E2F8: variants seen among roughly 807,000 people sequenced by gnomAD.
E2F8 encodes E2F transcription factor 8.
In E2F8, 35 loss-of-function variants were observed where a neutral mutation model predicts 80.8. That is an observed-to-expected ratio of 0.43 (90% CI 0.33 to 0.57). E2F8 has a LOEUF of 0.57. Among genes scored for constraint, E2F8 ranks in the 20% least tolerant of loss-of-function variants. E2F8 has a pLI of 0.04. For synonymous variants in E2F8, 386 were observed against 395.0 expected (o/e 0.98, Z 0.27); for missense variants, 975 against 1,056.2 (o/e 0.92, Z 1.07).
rs749900721 is a variant in E2F8, at chr11:19,229,420, C to A, written c.1893+34G>T. On this transcript the variant is annotated intron_variant, in intron 10 of 12. Transcript: ENST00000250024. This position sits in a 1 kb window ranked among gnomAD's most constrained non-coding sequence, Gnocchi z 4.3. Reference sequence around the variant, plus strand: ...TCTTCCTGTAATAGACTAGGGAATTCCTAAAGCTTTGTGCAGTTCAAGGCT... The same window carrying A: ...TCTTCCTGTAATAGACTAGGGAATTACTAAAGCTTTGTGCAGTTCAAGGCT... 8.9e-6 allele frequency: 14 copies of A among 1,566,100 alleles called. No homozygotes were observed. The highest frequency in any genetic ancestry group is 1.2e-5 in the Non-Finnish European group (14 of 1,159,382).
rs1230619360 is a variant in E2F8, at chr11:19,224,392, A to C, written c.*266T>G. Reference sequence around the variant, plus strand: ...AAAATAATGGATTTTTCCCCCTAGAAGTTAATATATCTTAGAGTTCAACAT... The same window carrying C: ...AAAATAATGGATTTTTCCCCCTAGACGTTAATATATCTTAGAGTTCAACAT... On this transcript the variant is annotated 3_prime_UTR_variant, in exon 13 of 13. Transcript: ENST00000250024. 1 of 299,094 alleles carries C rather than the reference A, an allele frequency of 3.3e-6. No individual in the cohort carries two copies. Among genetic ancestry groups the C allele is most frequent in the African/African-American group, 2.2e-5 (1 of 46,316 alleles). 18.5% of individuals were successfully genotyped at this position (299,094 alleles called of 1,614,324 possible).
intron 7 of E2F8, 65 bp from the exon 8 acceptor site, chr11:19,230,899 A>G (rs1170254024): frequency 2.0e-6 from 3 of 1,491,100 alleles, no homozygotes; most frequent in Non-Finnish European, 2.8e-6. Flanking sequence ...GATATGAAAT[A>G]AAACAATTTT....
rs1161335528 is a variant in E2F8 at position 19,229,679 on chromosome 11, T to C, written c.1668A>G (p.Lys556=). The part of the protein sequence containing the change: ...TTHSSKATGS[K]DSTDATTEKA... Reference sequence around the variant, plus strand: ...TCTCAGTGGTGGCATCTGTGGAGTCTTTTGAGCCAGTAGCTTTAGAAGAGT... The same window carrying C: ...TCTCAGTGGTGGCATCTGTGGAGTCCTTTGAGCCAGTAGCTTTAGAAGAGT... Residue 556 remains lysine (K), a synonymous_variant, in exon 10 of 13, where the codon AAA becomes AAG. Transcript: ENST00000250024. The surrounding 1 kb of genome is among the most constrained non-coding windows in gnomAD (Gnocchi z 4.3). 9 of 1,614,186 alleles carry C rather than the reference T, an allele frequency of 5.6e-6. No individual in the cohort carries two copies. The highest frequency in any genetic ancestry group is 7.6e-6 in the Non-Finnish European group (9 of 1,180,044).
chr11:19,226,000 G>T, intron 10 of E2F8, 136 bp from the exon 11 acceptor site: 1 of 1,002,896 alleles, frequency 1.0e-6, no homozygotes, highest in Non-Finnish European at 1.5e-6. Flanking sequence ...GCTGCAGGCA[G>T]GCTGGTCACC....
chr11:19,227,383 A>G (rs933870489), intron 10 of E2F8, among the ~76,000 whole-genome samples: 1 of 152,170 alleles, frequency 6.6e-6, no homozygotes, highest in Non-Finnish European at 1.5e-5. Flanking sequence ...CTTTAGTTAT[A>G]TTCTCTCATG....
chr11:19,230,931 C>T (rs1851363748), intron 7 of E2F8, 97 bp from the exon 8 acceptor site: 1 of 1,098,534 alleles, frequency 9.1e-7, no homozygotes, highest in East Asian at 2.6e-5. Context: ...TGGCAAGTTA[C>T]AGAGCACCGA....
At chr11:19,225,905 C>G (rs754056348) in intron 10 of E2F8, 41 bp from the exon 11 acceptor site, 15 of 1,590,310 alleles carry the variant, frequency 9.4e-6, no homozygotes, top group Admixed American at 1.8e-5. Flanking sequence ...CACACAAATA[C>G]AGGAAGAAAA....
rs999868998 is a variant in E2F8, at chr11:19,225,557, T to C, written c.2085A>G (p.Val695=). 1 of 1,614,070 alleles carries C rather than the reference T, an allele frequency of 6.2e-7. No individual in the cohort carries two copies. The highest frequency in any genetic ancestry group is 1.3e-5 in the African/African-American group (1 of 74,916). Residue 695 remains valine, a synonymous_variant, in exon 12 of 13, where the codon GTA becomes GTG. Coordinates refer to ENST00000250024, the MANE Select transcript of E2F8 (RefSeq NM_024680.4). ...LTAVNFPSFH[V]TPLKLMVSPT... Reference sequence around the variant, plus strand: ...GTGAGACCATTAGCTTCAACGGTGTTACATGAAAAGAGGGAAAATTAACAG... The same window carrying C: ...GTGAGACCATTAGCTTCAACGGTGTCACATGAAAAGAGGGAAAATTAACAG...
chr11:19,235,551 A>G (rs1246500186), intron 4 of E2F8, among the ~76,000 whole-genome samples: 3 of 152,152 alleles, frequency 2.0e-5, no homozygotes, highest in Admixed American at 6.5e-5. Flanking sequence ...CAGGAGGCTG[A>G]GGCAGGAGAA....
Position 19,225,726 on chromosome 11 carries a change from A to G in E2F8, c.2026+6T>C. On this transcript the variant is annotated splice_donor_region_variant and intron_variant, in intron 11 of 12. Coordinates refer to ENST00000250024, the MANE Select transcript of E2F8 (RefSeq NM_024680.4). Reference sequence around the variant, plus strand: ...CACATCTGGTTAGTGTTTTATGTGCACTCACCTGCAATTGGGGAGCTGTAA... The same window carrying G: ...CACATCTGGTTAGTGTTTTATGTGCGCTCACCTGCAATTGGGGAGCTGTAA... 6.2e-7 allele frequency: 1 copy of G among 1,614,170 alleles called. No homozygotes were observed. Among genetic ancestry groups the G allele is most frequent in the Non-Finnish European group, 8.5e-7 (1 of 1,180,022 alleles).
chr11:19,226,988 A>G (rs960948497), intron 10 of E2F8, among the ~76,000 whole-genome samples: 3 of 152,234 alleles, frequency 2.0e-5, no homozygotes, highest in Admixed American at 2.0e-4. Context: ...CAACATGCCT[A>G]TTAGATCACT....
chr11:19,237,301 T>C lies in E2F8; in HGVS notation c.451+13A>G. ...AATTATTAATTCTTTCAGTGAGTTCTTTGCATACTTACTAAGTTCCTCTGC... is the reference window on the plus strand; with the variant it reads ...AATTATTAATTCTTTCAGTGAGTTCCTTGCATACTTACTAAGTTCCTCTGC... On this transcript the variant is annotated intron_variant, in intron 4 of 12. Coordinates refer to ENST00000250024, the MANE Select transcript of E2F8 (RefSeq NM_024680.4). 1 of 1,613,720 alleles carries C rather than the reference T, an allele frequency of 6.2e-7. No individual in the cohort carries two copies. The highest frequency in any genetic ancestry group is 8.5e-7 in the Non-Finnish European group (1 of 1,179,726).
Position 19,224,350 on chromosome 11 carries a change from A to G in E2F8, c.*308T>C, listed in dbSNP as rs1851170556. ...AACTTTAATACAGTTACTTTGCATA[A>G]TAGTATAGGCATAGCTAAAATAATG... On this transcript the variant is annotated 3_prime_UTR_variant, in exon 13 of 13. Coordinates refer to ENST00000250024, the MANE Select transcript of E2F8 (RefSeq NM_024680.4). 1 of 216,578 alleles carries G rather than the reference A, an allele frequency of 4.6e-6. No individual in the cohort carries two copies. Among genetic ancestry groups the G allele is most frequent in the Non-Finnish European group, 9.2e-6 (1 of 108,698 alleles). 13.4% of individuals were successfully genotyped at this position (216,578 alleles called of 1,614,324 possible). A position where few individuals can be genotyped will look rare whatever the true frequency, so the allele number is the denominator to read the frequency against.
chr11:19,241,434 G>A (rs931200697), upstream of E2F8: 4 of 152,378 alleles, frequency 2.6e-5, no homozygotes, highest in Non-Finnish European at 5.9e-5. This position sits in a 1 kb window ranked among gnomAD's most constrained non-coding sequence, Gnocchi z 4.5. Context: ...GGCGGGAGCC[G>A]GCGGGGGCTG....
intron 10 of E2F8, among the ~76,000 whole-genome samples, chr11:19,227,844 T>A (rs1194832903): frequency 6.6e-6 from 1 of 152,160 alleles, no homozygotes; most frequent in Non-Finnish European, 1.5e-5. Context: ...TCTCAGCACT[T>A]TGGGAAGCCA....
In E2F8 at chr11:19,224,493, G is replaced by C. The variant is rs113006499; in HGVS notation, c.*165C>G. On this transcript the variant is annotated 3_prime_UTR_variant, in exon 13 of 13. Coordinates refer to ENST00000250024, the MANE Select transcript of E2F8 (RefSeq NM_024680.4). Reference sequence around the variant, plus strand: ...TATGTGTGTGTGTGTGTGTGTGTGTGTGTGTATATATATATATGTATGAAA... The same window carrying C: ...TATGTGTGTGTGTGTGTGTGTGTGTCTGTGTATATATATATATGTATGAAA... The C allele has an allele frequency of 4.6e-5, 23 of 504,664 alleles. No individual in the cohort carries two copies. The highest frequency in any genetic ancestry group is 3.8e-4 in the African/African-American group (18 of 47,882). The allele number at this position is 504,664 out of a possible 1,614,324, so 31.3% of individuals were successfully genotyped here. A position where few individuals can be genotyped will look rare whatever the true frequency, so the allele number is the denominator to read the frequency against.
chr11:19,230,292 T>A lies in E2F8; in HGVS notation c.1307A>T (p.Lys436Ile), dbSNP rs749300910. ...SSQNSAPFPSKMAQLAAICKM... is the reference protein window; with the variant it reads ...SSQNSAPFPSIMAQLAAICKM... ...ACAAATAGCTGCGAGCTGAGCCATT[T>A]TACTTGGGAAGGGTGCAGAATTCTG... The change falls in exon 9 of 13, where the codon AAA becomes ATA. Residue 436 changes from lysine to isoleucine, a missense_variant. Transcript: ENST00000250024. The A allele has an allele frequency of 6.2e-7, 1 of 1,614,104 alleles. No individual in the cohort carries two copies. Among genetic ancestry groups the A allele is most frequent in the Non-Finnish European group, 8.5e-7 (1 of 1,180,006 alleles).
rs1279122026 is a variant in E2F8, at chr11:19,225,606, G to T, written c.2036C>A (p.Pro679Gln). The T allele has an allele frequency of 6.2e-7, 1 of 1,613,184 alleles. No individual in the cohort carries two copies. Among genetic ancestry groups the T allele is most frequent in the East Asian group, 2.2e-5 (1 of 44,876 alleles). The change falls in exon 12 of 13, where the codon CCA becomes CAA. Residue 679 changes from proline to glutamine, a missense_variant. Physicochemically the swap from Pro to Gln is moderately conservative, Grantham distance 76 (BLOSUM62 -1). Transcript: ENST00000250024. ...IYSSPIAGVI[P>Q]VTSSELTAVN... is the part of the protein sequence containing the mutation. ...AGCAGTGAGTTCAGATGATGTCACT[G>T]GAATAACACCTGGAAGGAAAAGGGG...
chr11:19,226,069 A>G (rs1388641851), intron 10 of E2F8: 6 of 570,942 alleles, frequency 1.1e-5, no homozygotes, highest in Non-Finnish European at 1.5e-5. Flanking sequence ...AATAATGCAG[A>G]ACATGTTTCT....
Sources: gnomAD v4.1 joint callset for allele counts (sites outside exome capture counted in the v4.1 genomes callset) on GRCh38, gnomAD v4.1.1 for gene constraint, Gnocchi (gnomAD v3.1) non-coding constraint, MANE v1.5 for transcripts, NCBI Gene and HGNC (gene_info 2026-07-23, HGNC 2026-07-21) for gene names.